SORL1: variants seen among roughly 807,000 people sequenced by gnomAD.
SORL1 encodes the protein sortilin related receptor 1.
Under a neutral mutation model 273.7 loss-of-function variants are expected in SORL1, and 127 were observed. The observed-to-expected ratio is 0.46, with a 90% CI of 0.40 to 0.54. The LOEUF (loss-of-function observed/expected upper bound fraction) is 0.54. Ranked by LOEUF, SORL1 falls within the 20% of genes least tolerant of loss-of-function variation. The pLI is 0.00. For synonymous variants in SORL1, 1,031 were observed against 1,067.4 expected (o/e 0.97, Z 0.66); for missense variants, 2,494 against 2,846.1 (o/e 0.88, Z 2.81).
chr11:121,511,508 T>C (rs1268526627), intron 6 of SORL1, among the ~76,000 whole-genome samples: 5 of 152,270 alleles, frequency 3.3e-5, no homozygotes, highest in African/African-American at 1.2e-4. Flanking sequence ...TTGGAATTTA[T>C]ATGTAACAAT....
At chr11:121,463,667 A>G (rs1277593134) in intron 1 of SORL1, among the ~76,000 whole-genome samples, 2 of 152,228 alleles carry the variant, frequency 1.3e-5, no homozygotes, top group Non-Finnish European at 2.9e-5. Context: ...GCCTGAATTC[A>G]TCAGCAAAGT....
intron 16 of SORL1, among the ~76,000 whole-genome samples, chr11:121,552,546 T>C (rs1362426515): frequency 6.6e-6 from 1 of 152,166 alleles, no homozygotes; most frequent in African/African-American, 2.4e-5. Flanking sequence ...AGCTTTCATG[T>C]CCCTATACCT....
intron 43 of SORL1, 21 bp from the exon 44 acceptor site, chr11:121,621,043 C>G: frequency 1.3e-5 from 20 of 1,556,684 alleles, no homozygotes; most frequent in Non-Finnish European, 1.8e-5. Context: ...TTATCATTCA[C>G]TTGTTCTTTT....
intron 22 of SORL1, among the ~76,000 whole-genome samples, chr11:121,569,529 T>G (rs1862805238): frequency 6.6e-6 from 1 of 152,186 alleles, no homozygotes; most frequent in African/African-American, 2.4e-5. Context: ...GGCGGCCATC[T>G]TTTATGGTCG....
At chr11:121,508,819 C>T (rs1861826621) in intron 6 of SORL1, among the ~76,000 whole-genome samples, 1 of 152,154 alleles carries the variant, frequency 6.6e-6, no homozygotes, top group South Asian at 2.1e-4. Flanking sequence ...TTGCAGAATT[C>T]TGAAAAAGTT....
intron 44 of SORL1, 27 bp from the exon 45 acceptor site, chr11:121,622,135 G>A (rs190671551): frequency 2.3e-5 from 28 of 1,242,110 alleles, no homozygotes; most frequent in African/African-American, 1.3e-4. Context: ...TCCACTAACC[G>A]CATCCCATCT....
At position 121,522,604 on chromosome 11, in the gene SORL1, C is replaced by A; in HGVS notation, c.1423C>A (p.Leu475Ile). The change falls in exon 10 of 48, where the codon CTT (leucine) becomes ATT (isoleucine). Residue 475 changes from leucine (L) to isoleucine (I), a missense_variant. This residue lies in a region of SORL1 where 710 missense variants were observed against 882.5 expected (regional missense o/e 0.80). Transcript: ENST00000260197. ...TGTATAGCTTTCCCAGGGCTGTTCC[C>A]TTCATCTGGCTCAGCGCCTCAGTCA... ...INCELSQGCS[L>I]HLAQRLSQLL... is the part of the protein sequence containing the mutation. The A allele has an allele frequency of 6.2e-7, 1 of 1,614,036 alleles. No homozygotes were observed. Among genetic ancestry groups the A allele is most frequent in the Non-Finnish European group, 8.5e-7 (1 of 1,179,904 alleles).
intron 26 of SORL1, among the ~76,000 whole-genome samples, chr11:121,585,601 G>A (rs563275389): frequency 2.0e-5 from 3 of 151,794 alleles, no homozygotes; most frequent in Admixed American, 6.6e-5. Context: ...TCAGGTGTAG[G>A]TTGATCTCCT....
At chr11:121,454,096 C>T (rs1036470881) in intron 1 of SORL1, among the ~76,000 whole-genome samples, 1 of 152,248 alleles carries the variant, frequency 6.6e-6, no homozygotes, top group African/African-American at 2.4e-5. Context: ...CCTGTCCCCA[C>T]CCCATATGAC....
rs147751626 is a variant in SORL1 at position 121,617,751 on chromosome 11, C to T, written c.5605-1023C>T. On this transcript the variant is annotated intron_variant, in intron 41 of 47. Coordinates refer to ENST00000260197, the MANE Select transcript of SORL1 (RefSeq NM_003105.6). ...CAGTTATAAACTCCCTCGGCTTCCA[C>T]TTTCTGCTGTAAACTTCATCCCATT... 1.6e-3 allele frequency among the ~76,000 whole-genome samples: 245 copies of T among 152,354 alleles called. 1 individual carries two copies. Among genetic ancestry groups the T allele is most frequent in the African/African-American group, 5.5e-3 (230 of 41,590 alleles).
chr11:121,594,018 G>A (rs899370266), intron 31 of SORL1, among the ~76,000 whole-genome samples: 17 of 152,056 alleles, frequency 1.1e-4, no homozygotes, highest in Admixed American at 6.5e-4. Flanking sequence ...TGGGTTTGGC[G>A]TGCTAGATTG....
intron 1 of SORL1, among the ~76,000 whole-genome samples, chr11:121,457,328 C>A (rs536360): frequency 0.52 from 79,726 of 151,954 alleles, 21,740 homozygotes; most frequent in East Asian, 0.7. Context: ...TGTACAAAAG[C>A]GTATGTGGTA....
At chr11:121,551,062 A>T (rs929257300) in intron 16 of SORL1, among the ~76,000 whole-genome samples, 2 of 152,262 alleles carry the variant, frequency 1.3e-5, no homozygotes, top group Non-Finnish European at 2.9e-5. Flanking sequence ...TGTTAATTTT[A>T]TAATAAAACT....
At chr11:121,619,720 AT>A (rs747588291) in intron 42 of SORL1, 32 bp from the exon 43 acceptor site, 46 of 1,562,994 alleles carry the variant, frequency 2.9e-5, no homozygotes, top group Admixed American at 3.5e-5. Context: ...GCCATGATGT[AT>A]TTTTTTTCCT....
At chr11:121,482,722 C>T (rs964392698) in intron 3 of SORL1, among the ~76,000 whole-genome samples, 2 of 152,216 alleles carry the variant, frequency 1.3e-5, no homozygotes, top group Non-Finnish European at 2.9e-5. Flanking sequence ...GGTGAAAATG[C>T]GAGCTGCCAA....
chr11:121,586,832 A>C (rs1863123046), intron 27 of SORL1, among the ~76,000 whole-genome samples: 2 of 151,950 alleles, frequency 1.3e-5, no homozygotes, highest in Non-Finnish European at 2.9e-5. Flanking sequence ...GGAGCTTTAA[A>C]ACCACCTGGT....
intron 12 of SORL1, among the ~76,000 whole-genome samples, chr11:121,537,512 T>C (rs1273629633): frequency 6.6e-6 from 1 of 152,158 alleles, no homozygotes; most frequent in East Asian, 1.9e-4. Flanking sequence ...GTATATTAAA[T>C]GCAGACATGG....
rs77553826 is a variant in SORL1, at chr11:121,580,682, G to A, written c.3581-2776G>A. On this transcript the variant is annotated intron_variant, in intron 25 of 47. Transcript: ENST00000260197. ...GGTAGTGGCGCGATGACAGCTCACT[G>A]TAGCCTTGACCTCCTGGGCTCAATC... Among the ~76,000 whole-genome samples, 25 of 142,782 alleles carry A rather than the reference G, an allele frequency of 1.8e-4. No homozygotes were observed. In the East Asian group the frequency reaches 2.9e-3, roughly 17 times the overall value. The allele number at this position is 142,782 out of a possible 152,430, so 93.7% of individuals were successfully genotyped here.
chr11:121,602,214 A>G (rs1863403738), intron 32 of SORL1, among the ~76,000 whole-genome samples: 1 of 152,194 alleles, frequency 6.6e-6, no homozygotes, highest in African/African-American at 2.4e-5. Flanking sequence ...AGCTCAGTAT[A>G]TAATAGAATT....
Sources: gnomAD v4.1 joint callset for allele counts (sites outside exome capture counted in the v4.1 genomes callset) on GRCh38, gnomAD v4.1.1 for gene constraint, gnomAD v4.1.1 regional missense constraint, MANE v1.5 for transcripts, NCBI Gene and HGNC (gene_info 2026-07-23, HGNC 2026-07-21) for gene names.